Variants in SH3BGRL2 observed in about 807,000 individuals in gnomAD.
The protein encoded by SH3BGRL2 is SH3 domain binding glutamate rich protein like 2.
Under a neutral mutation model 14.8 loss-of-function variants are expected in SH3BGRL2, and 21 were observed. The observed-to-expected ratio is 1.42, with a 90% CI of 1.01 to 2.05. The LOEUF (loss-of-function observed/expected upper bound fraction) is 2.05, where lower values mean the gene tolerates loss of function less well. SH3BGRL2 is among the 30% of genes most tolerant of loss of function. The probability of loss-of-function intolerance (pLI) is 0.00; values close to 1 mark genes in which losing one functional copy is unlikely to be tolerated. For missense variants in SH3BGRL2, 147 were observed against 130.8 expected (o/e 1.12, Z -0.61); for synonymous variants, 50 against 47.8 (o/e 1.05, Z -0.19).
At chr6:79,659,350 A>G (rs892595369) in intron 1 of SH3BGRL2, among the ~76,000 whole-genome samples, 2 of 152,196 alleles carry the variant, frequency 1.3e-5, no homozygotes, top group Non-Finnish European at 2.9e-5. Context: ...TCAGCTTTCT[A>G]CATATGGCTA....
At chr6:79,628,491 A>T (rs1033136413), upstream of SH3BGRL2, among the ~76,000 whole-genome samples, 6 of 152,004 alleles carry the variant, frequency 3.9e-5, no homozygotes, top group Non-Finnish European at 5.9e-5. Flanking sequence ...TCTTAGTCTC[A>T]TCTTTCAGTT....
the SH3BGRL2 span, among the ~76,000 whole-genome samples, chr6:79,556,496 A>T: frequency 6.6e-6 from 1 of 152,056 alleles, no homozygotes; most frequent in Non-Finnish European, 1.5e-5. Flanking sequence ...TTCATATTTC[A>T]AGAACAAAAA....
At chr6:79,625,682 G>A in the SH3BGRL2 span, among the ~76,000 whole-genome samples, 1 of 152,110 alleles carries the variant, frequency 6.6e-6, no homozygotes, top group Non-Finnish European at 1.5e-5. Context: ...TATTTTGCAT[G>A]ATTAATAATA....
chr6:79,657,137 A>G (rs114740295), intron 1 of SH3BGRL2, among the ~76,000 whole-genome samples: 98 of 152,260 alleles, frequency 6.4e-4, no homozygotes, highest in African/African-American at 2.3e-3. Flanking sequence ...CGCTGATGAG[A>G]GTAGGACCAG....
At chr6:79,654,266 A>C (rs1418772465) in intron 1 of SH3BGRL2, among the ~76,000 whole-genome samples, 1 of 152,158 alleles carries the variant, frequency 6.6e-6, no homozygotes, top group Non-Finnish European at 1.5e-5. Flanking sequence ...TTTGAGAAGG[A>C]AAGGTAAGAA....
chr6:79,690,787 C>T (rs1770198052), intron 2 of SH3BGRL2, among the ~76,000 whole-genome samples: 1 of 152,124 alleles, frequency 6.6e-6, no homozygotes, highest in Non-Finnish European at 1.5e-5. Flanking sequence ...CATGGTGGCT[C>T]ACGCCTGTCA....
At chr6:79,580,729 A>C in the SH3BGRL2 span, among the ~76,000 whole-genome samples, 11 of 152,328 alleles carry the variant, frequency 7.2e-5, no homozygotes, top group East Asian at 2.1e-3. Context: ...CACAATTAAA[A>C]GAACTAAAGA....
chr6:79,610,147 G>C, the SH3BGRL2 span, among the ~76,000 whole-genome samples: 1 of 152,174 alleles, frequency 6.6e-6, no homozygotes, highest in Non-Finnish European at 1.5e-5. Flanking sequence ...TATCCTATTT[G>C]ATAGTGGTGA....
intron 1 of SH3BGRL2, among the ~76,000 whole-genome samples, chr6:79,640,208 C>T (rs560740729): frequency 1.3e-5 from 2 of 152,310 alleles, no homozygotes; most frequent in South Asian, 4.1e-4. Context: ...CAATTTAAGG[C>T]AGTGCAGTTT....
the SH3BGRL2 span, among the ~76,000 whole-genome samples, chr6:79,626,316 C>T: frequency 6.6e-6 from 1 of 152,124 alleles, no homozygotes; most frequent in African/African-American, 2.4e-5. Flanking sequence ...TAAAAGAACT[C>T]TTTATTTAAT....
chr6:79,615,320 C>T, the SH3BGRL2 span, among the ~76,000 whole-genome samples: 1 of 152,208 alleles, frequency 6.6e-6, no homozygotes, highest in South Asian at 2.1e-4. Flanking sequence ...CTTGACTGAA[C>T]TTCCAGGCTG....
chr6:79,648,336 T>C (rs1042355028), intron 1 of SH3BGRL2, among the ~76,000 whole-genome samples: 5 of 143,254 alleles, frequency 3.5e-5, no homozygotes, highest in Middle Eastern at 3.3e-3. Flanking sequence ...ATATATATTA[T>C]ATATATAATA....
intron 2 of SH3BGRL2, among the ~76,000 whole-genome samples, chr6:79,677,260 T>C (rs1447104424): frequency 6.6e-6 from 1 of 152,204 alleles, no homozygotes; most frequent in Non-Finnish European, 1.5e-5. Context: ...TGTATATTTT[T>C]ATTCTCTTTC....
the SH3BGRL2 span, among the ~76,000 whole-genome samples, chr6:79,554,332 A>T: frequency 6.6e-6 from 1 of 152,212 alleles, no homozygotes; most frequent in Non-Finnish European, 1.5e-5. Flanking sequence ...TCCAGGGGGT[A>T]GGGGTGACAT....
upstream of SH3BGRL2, among the ~76,000 whole-genome samples, chr6:79,628,734 C>T (rs573558197): frequency 2.0e-5 from 3 of 150,744 alleles, no homozygotes; most frequent in Non-Finnish European, 4.4e-5. Context: ...AAAAGGTGAA[C>T]CTTTTCATTC....
the SH3BGRL2 span, among the ~76,000 whole-genome samples, chr6:79,557,123 C>T: frequency 6.6e-6 from 1 of 151,822 alleles, no homozygotes; most frequent in African/African-American, 2.4e-5. Flanking sequence ...TCTTCCCTGA[C>T]CATATGCACA....
chr6:79,687,861 G>C (rs1770132828), intron 2 of SH3BGRL2, among the ~76,000 whole-genome samples: 1 of 152,136 alleles, frequency 6.6e-6, no homozygotes, highest in African/African-American at 2.4e-5. Context: ...ATTTGGTTAT[G>C]TCCTTGGCAT....
chr6:79,695,376 C>A (rs998159051), intron 2 of SH3BGRL2, among the ~76,000 whole-genome samples: 5 of 152,142 alleles, frequency 3.3e-5, no homozygotes, highest in African/African-American at 1.2e-4. Context: ...TACACAGAAC[C>A]AAATAATTCA....
the SH3BGRL2 span, among the ~76,000 whole-genome samples, chr6:79,596,315 G>T: frequency 6.7e-6 from 1 of 148,246 alleles, no homozygotes; most frequent in Non-Finnish European, 1.5e-5. Context: ...ACGTGCCACT[G>T]TGCTGATTTG....
Sources: allele counts gnomAD v4.1 joint callset (sites outside exome capture counted in the v4.1 genomes callset), GRCh38; gene constraint gnomAD v4.1.1; transcripts MANE v1.5; gene names NCBI Gene and HGNC (gene_info 2026-07-23, HGNC 2026-07-21).